COL4A6: variants seen among roughly 807,000 people sequenced by gnomAD.
COL4A6 encodes the protein collagen alpha-6(IV) chain.
In COL4A6, 59 loss-of-function variants were observed where a neutral mutation model predicts 126.7. That is an observed-to-expected ratio of 0.47 (90% CI 0.38 to 0.58). The LOEUF (loss-of-function observed/expected upper bound fraction) is 0.58. Among genes scored for constraint, COL4A6 ranks in the 20% least tolerant of loss-of-function variants. The pLI is 0.00. For synonymous variants in COL4A6, 547 were observed against 496.6 expected, an observed-to-expected ratio of 1.10 and a Z score of -1.35; for missense variants, 1,285 against 1,337.3, an observed-to-expected ratio of 0.96 and a Z score of 0.61.
intron 3 of COL4A6, among the ~76,000 whole-genome samples, chrX:108,262,240 G>A (rs960426089): frequency 9.0e-6 from 1 of 111,100 alleles, no homozygotes; most frequent in Non-Finnish European, 1.9e-5. Flanking sequence ...AGGTGCTAAT[G>A]TAAGACATTG....
In COL4A6 at chrX:108,318,596, A is replaced by C. The variant is rs369036045; in HGVS notation, c.64-7768T>G. On this transcript the variant is annotated intron_variant, in intron 2 of 44. Transcript: ENST00000334504. ...ACACCAATAACAGACAAACAGAGAG[A>C]CAAATCATGAGTGAACTCCCATTCA... Among the ~76,000 whole-genome samples the C allele has an allele frequency of 5.2e-3, 576 of 111,566 alleles. 7 individuals carry two copies. The highest frequency in any genetic ancestry group is 0.03 in the East Asian group (105 of 3,542).
chrX:108,187,966 C>G lies in COL4A6; in HGVS notation c.1649G>C (p.Ser550Thr), dbSNP rs767410861. 8 of 1,207,567 alleles carry G rather than the reference C, an allele frequency of 6.6e-6. No individual in the cohort carries two copies. The South Asian group carries it at 1.4e-4, about 22-fold the overall frequency. Reference sequence around the variant, plus strand: ...ATCTCCTGGCATTCCTTGGATTGTACTGAGAATTGGTTCCCCCTTCTTTCC... The same window carrying G: ...ATCTCCTGGCATTCCTTGGATTGTAGTGAGAATTGGTTCCCCCTTCTTTCC... Reference protein sequence around the residue: ...PKGKKGEPILSTIQGMPGDRG... With the variant: ...PKGKKGEPILTTIQGMPGDRG... The change falls in exon 22 of 45, where the codon AGT becomes ACT. Residue 550 changes from serine to threonine, a missense_variant. Physicochemically the swap from Ser to Thr is moderately conservative, Grantham distance 58. Coordinates refer to ENST00000334504, the MANE Select transcript of COL4A6 (RefSeq NM_033641.4).
rs952060297 is a variant in COL4A6 at position 108,247,471 on chromosome X, T to C, written c.145-26097A>G. 2.4e-4 allele frequency among the ~76,000 whole-genome samples: 27 copies of C among 110,431 alleles called. 1 individual carries two copies. The highest frequency in any genetic ancestry group is 8.9e-4 in the African/African-American group (27 of 30,303). ...TATTCTCCCTAGCTTTATCCCCACA[T>C]TTCCCCCTGCCCTCAGACCATGTCT... On this transcript the variant is annotated intron_variant, in intron 3 of 44. Coordinates refer to ENST00000334504, the MANE Select transcript of COL4A6 (RefSeq NM_033641.4).
chrX:108,236,917 G>A (rs754752792), intron 3 of COL4A6, among the ~76,000 whole-genome samples: 2 of 111,728 alleles, frequency 1.8e-5, no homozygotes, highest in Non-Finnish European at 3.8e-5. Context: ...GGGCTCTTCA[G>A]TCCTTTGTCC....
At chrX:108,285,836 G>A (rs921689121) in intron 3 of COL4A6, among the ~76,000 whole-genome samples, 2 of 111,959 alleles carry the variant, frequency 1.8e-5, no homozygotes, top group African/African-American at 6.5e-5. Context: ...ACAGCCAGGT[G>A]ATTCAAGATT....
At chrX:108,280,479 C>A (rs1181054420) in intron 3 of COL4A6, among the ~76,000 whole-genome samples, 2 of 111,622 alleles carry the variant, frequency 1.8e-5, no homozygotes, top group South Asian at 3.8e-4. Context: ...CAATAACAGG[C>A]TCTGAAATTG....
chrX:108,361,648 A>T (rs2040087147), intron 2 of COL4A6, among the ~76,000 whole-genome samples: 1 of 111,845 alleles, frequency 8.9e-6, no homozygotes. Context: ...CGTGGACAGT[A>T]TACATAAAGA....
intron 2 of COL4A6, among the ~76,000 whole-genome samples, chrX:108,358,298 A>G (rs771243231): frequency 6.5e-4 from 73 of 112,201 alleles, no homozygotes; most frequent in South Asian, 2.6e-3. Flanking sequence ...AGGTAAAGTA[A>G]CTAAGAAAAT....
At chrX:108,208,133 A>G (rs1172325484) in intron 8 of COL4A6, among the ~76,000 whole-genome samples, 1 of 112,413 alleles carries the variant, frequency 8.9e-6, no homozygotes, top group African/African-American at 3.2e-5. Flanking sequence ...AGACATAACA[A>G]TCTTAGATGC....
rs373461137 is a variant in COL4A6, at chrX:108,432,615, C to T, written c.63+5327G>A. On this transcript the variant is annotated intron_variant, in intron 2 of 44. Coordinates refer to ENST00000334504, the MANE Select transcript of COL4A6 (RefSeq NM_033641.4). ...CTTTGGGAGGCCGAGGCGGGTGGATCACCTGAGGTCAGGAGTTCAAGACCA... is the reference window on the plus strand; with the variant it reads ...CTTTGGGAGGCCGAGGCGGGTGGATTACCTGAGGTCAGGAGTTCAAGACCA... Among the ~76,000 whole-genome samples, 39 of 111,350 alleles carry T rather than the reference C, an allele frequency of 3.5e-4. 2 individuals carry two copies. The highest frequency in any genetic ancestry group is 2.8e-3 in the Admixed American group (29 of 10,510).
At chrX:108,349,064 T>G (rs1187367234) in intron 2 of COL4A6, among the ~76,000 whole-genome samples, 1 of 111,698 alleles carries the variant, frequency 9.0e-6, no homozygotes, top group Non-Finnish European at 1.9e-5. Flanking sequence ...CCATGGAAAT[T>G]GGCAAAAGCT....
intron 23 of COL4A6, among the ~76,000 whole-genome samples, chrX:108,184,628 C>T (rs866778216): frequency 8.9e-6 from 1 of 112,275 alleles, no homozygotes; most frequent in Middle Eastern, 4.6e-3. Context: ...TCTTGGACTT[C>T]CTAGCCTTCA....
chrX:108,373,762 TAG>T (rs1192769604), intron 2 of COL4A6, among the ~76,000 whole-genome samples: 1 of 112,149 alleles, frequency 8.9e-6, no homozygotes, highest in Non-Finnish European at 1.9e-5. Flanking sequence ...TCATTTACTC[TAG>T]AGTCTCTTCA....
At chrX:108,282,473 C>T (rs1277290065) in intron 3 of COL4A6, among the ~76,000 whole-genome samples, 3 of 111,063 alleles carry the variant, frequency 2.7e-5, no homozygotes, top group Admixed American at 9.5e-5. Flanking sequence ...GTTAGAATGG[C>T]AATCATTAAA....
chrX:108,193,138 T>C (rs2035102763), intron 17 of COL4A6, among the ~76,000 whole-genome samples: 1 of 111,544 alleles, frequency 9.0e-6, no homozygotes, highest in Non-Finnish European at 1.9e-5. Flanking sequence ...ACAAAATAAC[T>C]AGGACAAGGA....
chrX:108,397,653 AAAAC>A (rs2040995247), intron 2 of COL4A6, among the ~76,000 whole-genome samples: 1 of 110,388 alleles, frequency 9.1e-6, no homozygotes, highest in Non-Finnish European at 1.9e-5. Context: ...GAAAAAAAAA[AAAAC>A]ACATATGGAG....
chrX:108,413,771 G>T (rs1338347210), intron 2 of COL4A6, among the ~76,000 whole-genome samples: 1 of 111,905 alleles, frequency 8.9e-6, no homozygotes, highest in East Asian at 2.8e-4. Flanking sequence ...TTGGTCCCTG[G>T]TACTCTGGAG....
At chrX:108,264,466 G>A (rs143967788) in intron 3 of COL4A6, among the ~76,000 whole-genome samples, 1,871 of 111,151 alleles carry the variant, frequency 0.017, 11 homozygotes, top group Non-Finnish European at 0.026. Flanking sequence ...GACTAATACC[G>A]AGTTCACTGA....
At chrX:108,304,771 C>T (rs148280430) in intron 3 of COL4A6, among the ~76,000 whole-genome samples, 3,350 of 111,461 alleles carry the variant, frequency 0.03, 121 homozygotes, top group African/African-American at 0.1. Context: ...CAGAGAAAAC[C>T]ATCGAAATCA....
Sources: gnomAD v4.1 joint callset for allele counts (sites outside exome capture counted in the v4.1 genomes callset) on GRCh38, gnomAD v4.1.1 for gene constraint, MANE v1.5 for transcripts, NCBI Gene and HGNC (gene_info 2026-07-23, HGNC 2026-07-21) for gene names.